ZNF469: variants seen among roughly 807,000 people sequenced by gnomAD.
ZNF469 encodes the protein zinc finger protein 469.
In ZNF469, 1 loss-of-function variant was observed where a neutral mutation model predicts 1.0. That is an observed-to-expected ratio of 1.00 (90% CI 0.35 to 4.73). The LOEUF is 4.73. ZNF469 is among the 30% of genes most tolerant of loss of function. ZNF469 has a pLI of 0.16. For synonymous variants in ZNF469, 2,703 were observed against 2,363.4 expected, an observed-to-expected ratio of 1.14 and a Z score of -4.17; for missense variants, 6,100 against 5,356.3, an observed-to-expected ratio of 1.14 and a Z score of -4.33.
the ZNF469 span, among the ~76,000 whole-genome samples, chr16:88,321,722 T>A: frequency 6.6e-6 from 1 of 151,868 alleles, no homozygotes; most frequent in Non-Finnish European, 1.5e-5. Flanking sequence ...CCTCATCTGA[T>A]TGGACATGAC....
At chr16:88,180,800 A>AATAG in the ZNF469 span, among the ~76,000 whole-genome samples, 4 of 152,102 alleles carry the variant, frequency 2.6e-5, no homozygotes, top group Non-Finnish European at 4.4e-5. Flanking sequence ...CAAACAAATA[A>AATAG]AAGTGCCATT....
At chr16:88,221,655 G>A in the ZNF469 span, among the ~76,000 whole-genome samples, 1 of 152,198 alleles carries the variant, frequency 6.6e-6, no homozygotes, top group East Asian at 1.9e-4. Flanking sequence ...CATCCCCAGG[G>A]GTCCTGTAAC....
the ZNF469 span, among the ~76,000 whole-genome samples, chr16:88,169,257 C>G: frequency 6.6e-6 from 1 of 152,262 alleles, no homozygotes; most frequent in African/African-American, 2.4e-5. The surrounding 1 kb of genome is among the most constrained non-coding windows in gnomAD (Gnocchi z 6.1). Context: ...TAATCTACGT[C>G]AGTAAAATCC....
At chr16:88,361,818 T>C in the ZNF469 span, among the ~76,000 whole-genome samples, 30 of 152,376 alleles carry the variant, frequency 2.0e-4, no homozygotes, top group African/African-American at 7.0e-4. Flanking sequence ...ATTTCTTTCT[T>C]TTAAGCATGA....
At chr16:88,308,379 G>A in the ZNF469 span, among the ~76,000 whole-genome samples, 1 of 152,188 alleles carries the variant, frequency 6.6e-6, no homozygotes, top group Non-Finnish European at 1.5e-5. Flanking sequence ...AGAAGAGATT[G>A]TGATCGGGAT....
the ZNF469 span, among the ~76,000 whole-genome samples, chr16:88,293,305 G>C: frequency 6.9e-6 from 1 of 145,442 alleles, no homozygotes; most frequent in Non-Finnish European, 1.5e-5. Context: ...TGAATGGATG[G>C]ATGGGTAATT....
the ZNF469 span, among the ~76,000 whole-genome samples, chr16:88,359,123 C>T: frequency 6.6e-6 from 1 of 152,238 alleles, no homozygotes; most frequent in East Asian, 1.9e-4. Context: ...AGTTACGCCC[C>T]CACCAGCAGC....
intron 1 of ZNF469, among the ~76,000 whole-genome samples, chr16:88,384,492 C>T (rs1298281069): frequency 6.6e-6 from 1 of 152,230 alleles, no homozygotes; most frequent in African/African-American, 2.4e-5. Context: ...TTAGGAAGGG[C>T]AGCCAGGCAC....
At chr16:88,314,412 G>C in the ZNF469 span, among the ~76,000 whole-genome samples, 41 of 124,240 alleles carry the variant, frequency 3.3e-4, no homozygotes, top group East Asian at 7.2e-4. Flanking sequence ...GATGATGCTG[G>C]TGTGGACTGT....
At chr16:88,323,622 G>T in the ZNF469 span, among the ~76,000 whole-genome samples, 1 of 152,150 alleles carries the variant, frequency 6.6e-6, no homozygotes, top group Non-Finnish European at 1.5e-5. Flanking sequence ...TCTTGGCAAA[G>T]CCAGGATCTC....
chr16:88,190,653 C>G, the ZNF469 span, among the ~76,000 whole-genome samples: 1 of 152,194 alleles, frequency 6.6e-6, no homozygotes, highest in Non-Finnish European at 1.5e-5. Context: ...GTCTTAGAAG[C>G]ATCTCTGTTG....
chr16:88,436,704 C>A lies in ZNF469; in HGVS notation c.9234C>A (p.Phe3078Leu), dbSNP rs576267702. The A allele has an allele frequency of 6.5e-7, 1 of 1,549,796 alleles. No homozygotes were observed. The highest frequency in any genetic ancestry group is 8.7e-7 in the Non-Finnish European group (1 of 1,146,670). ...VGLPGPSFLD[F>L]EGTASSQGPQ... ...TCCCCGGCCCCAGCTTCTTAGACTT[C>A]GAGGGCACGGCGAGCTCACAGGGGC... The change falls in exon 3 of 3, where the codon TTC (phenylalanine) becomes TTA (leucine). Residue 3078 changes from phenylalanine (F) to leucine (L), a missense_variant. Transcript: ENST00000565624.
the ZNF469 span, among the ~76,000 whole-genome samples, chr16:88,226,311 C>G: frequency 2.0e-5 from 3 of 151,868 alleles, no homozygotes; most frequent in South Asian, 2.1e-4. Flanking sequence ...GAGGTGAGGT[C>G]GTTAGGGTGG....
At chr16:88,317,539 G>A in the ZNF469 span, among the ~76,000 whole-genome samples, 1 of 152,288 alleles carries the variant, frequency 6.6e-6, no homozygotes, top group South Asian at 2.1e-4. Context: ...GTCTCTCCTG[G>A]CATTCTCCCG....
chr16:88,195,121 T>C, the ZNF469 span: 1 of 152,218 alleles, frequency 6.6e-6, no homozygotes, highest in African/African-American at 2.4e-5. Flanking sequence ...GGCGCGGCTC[T>C]CTGGTCGCAA....
At position 88,432,176 on chromosome 16, in the gene ZNF469, C is replaced by G; in HGVS notation, c.4706C>G (p.Thr1569Ser). ...GAACTGGAGATCCAGAAATTGGTCACCGAATTAGAAAGTCAGCTGCAAAGG... is the reference window on the plus strand; with the variant it reads ...GAACTGGAGATCCAGAAATTGGTCAGCGAATTAGAAAGTCAGCTGCAAAGG... ...EDELEIQKLV[T>S]ELESQLQRSK... The change falls in exon 3 of 3, where the codon ACC becomes AGC. Residue 1569 changes from threonine (T) to serine (S), a missense_variant. Physicochemically the swap from Thr to Ser is moderately conservative, Grantham distance 58. Transcript: ENST00000565624. The G allele has an allele frequency of 1.9e-6, 3 of 1,550,326 alleles. No homozygotes were observed. Among genetic ancestry groups the G allele is most frequent in the Non-Finnish European group, 2.6e-6 (3 of 1,146,982 alleles).
At chr16:88,233,505 G>A in the ZNF469 span, among the ~76,000 whole-genome samples, 6 of 152,358 alleles carry the variant, frequency 3.9e-5, no homozygotes, top group African/African-American at 1.2e-4. Flanking sequence ...CAGGCAGCAG[G>A]GGGCTACTGG....
At chr16:88,334,724 A>C in the ZNF469 span, among the ~76,000 whole-genome samples, 1 of 152,238 alleles carries the variant, frequency 6.6e-6, no homozygotes, top group Non-Finnish European at 1.5e-5. Flanking sequence ...GGTGGGGCCT[A>C]AATCCTATGA....
At chr16:88,233,769 G>C in the ZNF469 span, among the ~76,000 whole-genome samples, 1 of 152,266 alleles carries the variant, frequency 6.6e-6, no homozygotes, top group Non-Finnish European at 1.5e-5. Context: ...ACCCCGATGG[G>C]GACGTAGAGG....
Sources: gnomAD v4.1 joint callset for allele counts (sites outside exome capture counted in the v4.1 genomes callset) on GRCh38, gnomAD v4.1.1 for gene constraint, Gnocchi (gnomAD v3.1) non-coding constraint, MANE v1.5 for transcripts, NCBI Gene and HGNC (gene_info 2026-07-23, HGNC 2026-07-21) for gene names.